Variants in AGMO observed in about 807,000 individuals in gnomAD.
AGMO encodes the protein glyceryl-ether monooxygenase.
AGMO carries 75 observed loss-of-function variants against 60.2 expected under a neutral mutation model. That is an observed-to-expected ratio of 1.25 (90% CI 1.03 to 1.51). The LOEUF (loss-of-function observed/expected upper bound fraction) is 1.51, where lower values mean the gene tolerates loss of function less well. AGMO is among the 40% of genes most tolerant of loss of function. The probability of loss-of-function intolerance (pLI) is 0.00; values close to 1 mark genes in which losing one functional copy is unlikely to be tolerated. For missense variants in AGMO, 763 were observed against 525.5 expected (o/e 1.45, Z -4.42); for synonymous variants, 261 against 177.1 (o/e 1.47, Z -3.76).
chr7:15,218,809 A>G (rs2128496175), intron 12 of AGMO, among the ~76,000 whole-genome samples: 1 of 152,256 alleles, frequency 6.6e-6, no homozygotes, highest in Middle Eastern at 3.4e-3. Context: ...ACAGTCCACA[A>G]TCAACCTTTT....
At position 15,390,916 on chromosome 7, in the gene AGMO, AAAT is replaced by A. The variant is rs779708943; in HGVS notation, c.677-14_677-12del. ...AATAACGATTTCTGCCTATGAGACAAAATATTAGAAATTTTTTTTCAGAAAAAT... is the reference window on the plus strand; with the variant it reads ...AATAACGATTTCTGCCTATGAGACAAATTAGAAATTTTTTTTCAGAAAAAT... On this transcript the variant is annotated splice_polypyrimidine_tract_variant and intron_variant, in intron 6 of 12. Coordinates refer to ENST00000342526, the MANE Select transcript of AGMO (RefSeq NM_001004320.2). 6.5e-7 allele frequency: 1 copy of A among 1,546,606 alleles called. No homozygotes were observed. The highest frequency in any genetic ancestry group is 1.9e-5 in the Admixed American group (1 of 52,926).
At chr7:15,504,288 T>G (rs189768243) in intron 3 of AGMO, among the ~76,000 whole-genome samples, 1 of 152,092 alleles carries the variant, frequency 6.6e-6, no homozygotes, top group Admixed American at 6.6e-5. Flanking sequence ...ACTAGAAACT[T>G]TATAAAGATA....
chr7:15,299,447 C>T (rs1784495826), intron 12 of AGMO, among the ~76,000 whole-genome samples: 1 of 152,076 alleles, frequency 6.6e-6, no homozygotes, highest in Non-Finnish European at 1.5e-5. Context: ...TATCTCAGCA[C>T]CTAATCTATG....
At chr7:15,336,087 AACT>A in intron 12 of AGMO, among the ~76,000 whole-genome samples, 1 of 152,264 alleles carries the variant, frequency 6.6e-6, no homozygotes, top group South Asian at 2.1e-4. Flanking sequence ...AGGCTAATTC[AACT>A]ACTACTATTC....
At chr7:15,130,924 T>C in the AGMO span, among the ~76,000 whole-genome samples, 1 of 152,166 alleles carries the variant, frequency 6.6e-6, no homozygotes, top group Non-Finnish European at 1.5e-5. Flanking sequence ...ATTAACTTCC[T>C]TTAACATAGA....
In AGMO at chr7:15,354,379, T is replaced by TATAC. The variant is rs1186632664; in HGVS notation, c.1263+11134_1263+11135insGTAT. On this transcript the variant is annotated intron_variant, in intron 12 of 12. Transcript: ENST00000342526. ...AGACGTGTGTATATAGACGTGTGTA[T>TATAC]ACACGTGTGTGTATACACGTGTGTG... Among the ~76,000 whole-genome samples the TATAC allele has an allele frequency of 3.7e-4, 20 of 54,398 alleles. 1 individual carries two copies. Among genetic ancestry groups the TATAC allele is most frequent in the African/African-American group, 1.9e-3 (15 of 7,746 alleles). The allele number at this position is 54,398 out of a possible 152,430, so 35.7% of individuals were successfully genotyped here.
chr7:15,364,565 T>C (rs563953167), intron 12 of AGMO, among the ~76,000 whole-genome samples: 96 of 152,162 alleles, frequency 6.3e-4, no homozygotes, highest in African/African-American at 2.0e-3. Flanking sequence ...TGACAAATAA[T>C]GCTGCAAGGA....
At chr7:15,132,611 C>G in the AGMO span, among the ~76,000 whole-genome samples, 1 of 152,044 alleles carries the variant, frequency 6.6e-6, no homozygotes, top group Non-Finnish European at 1.5e-5. Context: ...GTGATACAAG[C>G]AAAGTGGATT....
At chr7:15,360,653 T>C (rs1583456185) in intron 12 of AGMO, among the ~76,000 whole-genome samples, 1 of 149,548 alleles carries the variant, frequency 6.7e-6, no homozygotes, top group Non-Finnish European at 1.5e-5. Flanking sequence ...GTGGAGGAGG[T>C]GGATGAGGTG....
At chr7:15,452,372 C>A (rs1422145220) in intron 3 of AGMO, among the ~76,000 whole-genome samples, 1 of 151,956 alleles carries the variant, frequency 6.6e-6, no homozygotes, top group Non-Finnish European at 1.5e-5. Flanking sequence ...ATATAAAGAA[C>A]TCTTACAACT....
chr7:15,504,164 G>A (rs1322409465), intron 3 of AGMO, among the ~76,000 whole-genome samples: 2 of 151,904 alleles, frequency 1.3e-5, no homozygotes, highest in Non-Finnish European at 2.9e-5. Flanking sequence ...AAAGGCAATG[G>A]TTATTTTCTG....
intron 5 of AGMO, among the ~76,000 whole-genome samples, chr7:15,397,612 C>T (rs1309338544): frequency 3.9e-5 from 6 of 152,334 alleles, no homozygotes; most frequent in East Asian, 3.9e-4. Flanking sequence ...TCTTCCTTTT[C>T]TCCCCACCTC....
intron 12 of AGMO, among the ~76,000 whole-genome samples, chr7:15,258,334 TTC>T (rs1423644789): frequency 1.3e-5 from 2 of 152,048 alleles, no homozygotes; most frequent in African/African-American, 2.4e-5. Context: ...TGTTCTTTCC[TTC>T]TTTTTCCTTT....
At chr7:15,539,228 T>C (rs898181400) in intron 3 of AGMO, among the ~76,000 whole-genome samples, 12 of 152,274 alleles carry the variant, frequency 7.9e-5, no homozygotes, top group Admixed American at 3.3e-4. Context: ...GGTGTACAGA[T>C]AATTTCATCA....
chr7:15,427,197 A>T (rs1413925774), intron 4 of AGMO, among the ~76,000 whole-genome samples: 1 of 152,186 alleles, frequency 6.6e-6, no homozygotes. Flanking sequence ...GCTCATTCTA[A>T]TATTTTTTCT....
chr7:15,517,311 T>TGG (rs548796107), intron 3 of AGMO, among the ~76,000 whole-genome samples: 329 of 150,662 alleles, frequency 2.2e-3, no homozygotes, highest in African/African-American at 7.8e-3. Flanking sequence ...TAATCTAGTG[T>TGG]GGGGTGTGTG....
intron 12 of AGMO, among the ~76,000 whole-genome samples, chr7:15,293,026 G>C (rs927470203): frequency 6.6e-5 from 10 of 151,956 alleles, no homozygotes; most frequent in African/African-American, 2.4e-4. Flanking sequence ...GCCTCCCAAA[G>C]TGCTGGGATT....
chr7:15,261,345 A>C (rs540288385), intron 12 of AGMO, among the ~76,000 whole-genome samples: 1 of 152,240 alleles, frequency 6.6e-6, no homozygotes, highest in Admixed American at 6.5e-5. Flanking sequence ...ACAGAAATAC[A>C]AAAGATTATT....
intron 12 of AGMO, among the ~76,000 whole-genome samples, chr7:15,227,557 C>G (rs1782125625): frequency 6.6e-6 from 1 of 151,318 alleles, no homozygotes; most frequent in African/African-American, 2.4e-5. Flanking sequence ...ACTCCCTCAG[C>G]TTATAAAATA....
Sources: allele counts gnomAD v4.1 joint callset (sites outside exome capture counted in the v4.1 genomes callset), GRCh38; gene constraint gnomAD v4.1.1; transcripts MANE v1.5; gene names NCBI Gene and HGNC (gene_info 2026-07-23, HGNC 2026-07-21).